Variants in TM4SF19 observed in about 807,000 individuals in gnomAD.
The protein encoded by TM4SF19 is transmembrane 4 L six family member 19.
In TM4SF19, 17 loss-of-function variants were observed where a neutral mutation model predicts 21.8. That is an observed-to-expected ratio of 0.78 (90% CI 0.53 to 1.17). TM4SF19 has a LOEUF of 1.17. Among genes scored for constraint, TM4SF19 ranks in the 50% most tolerant of loss-of-function variants. TM4SF19 has a pLI of 0.00. For missense variants in TM4SF19, 216 were observed against 252.1 expected (o/e 0.86, Z 0.97); for synonymous variants, 107 against 106.7 (o/e 1.00, Z -0.02).
intron 1 of TM4SF19, among the ~76,000 whole-genome samples, chr3:196,337,092 G>A (rs754732135): frequency 4.5e-4 from 49 of 107,942 alleles, no homozygotes; most frequent in Non-Finnish European, 1.7e-4. Context: ...ACACAGTCTC[G>A]CTCTTGTTGC....
At chr3:196,337,539 G>A (rs1005390303) in intron 1 of TM4SF19, among the ~76,000 whole-genome samples, 2 of 152,188 alleles carry the variant, frequency 1.3e-5, no homozygotes, top group African/African-American at 2.4e-5. Context: ...ACACTAAGAA[G>A]CAAAATGGTG....
intron 1 of TM4SF19, among the ~76,000 whole-genome samples, chr3:196,332,274 C>T (rs983573014): frequency 4.0e-5 from 6 of 150,774 alleles, no homozygotes; most frequent in Non-Finnish European, 5.9e-5. Context: ...AAATTAACTG[C>T]GTGGTGGTGT....
At chr3:196,324,074 G>A in intron 4 of TM4SF19, 77 bp from the exon 5 acceptor site, 1 of 1,557,010 alleles carries the variant, frequency 6.4e-7, no homozygotes, top group Non-Finnish European at 8.8e-7. Flanking sequence ...GTAGAAAACT[G>A]GGGTCTCCCC....
intron 1 of TM4SF19, among the ~76,000 whole-genome samples, chr3:196,328,342 T>C (rs1727388633): frequency 6.6e-6 from 1 of 151,956 alleles, no homozygotes; most frequent in South Asian, 2.1e-4. Flanking sequence ...ACAGATAATG[T>C]GATCACATTA....
At chr3:196,332,514 T>C (rs1442186941) in intron 1 of TM4SF19, among the ~76,000 whole-genome samples, 1 of 150,934 alleles carries the variant, frequency 6.6e-6, no homozygotes, top group Non-Finnish European at 1.5e-5. Flanking sequence ...AAAATATATA[T>C]ATATATAAAA....
intron 4 of TM4SF19, 82 bp downstream of exon 4, chr3:196,324,189 G>T: frequency 6.5e-7 from 1 of 1,531,788 alleles, no homozygotes; most frequent in Non-Finnish European, 9.0e-7. Flanking sequence ...ACCCAAAGGA[G>T]CTTGTAGTTC....
intron 1 of TM4SF19, among the ~76,000 whole-genome samples, chr3:196,337,670 C>T (rs1317418451): frequency 6.6e-6 from 1 of 152,196 alleles, no homozygotes; most frequent in East Asian, 1.9e-4. Flanking sequence ...CTCCCAAGTG[C>T]CTGTGCGGCA....
intron 1 of TM4SF19, among the ~76,000 whole-genome samples, chr3:196,334,597 C>G (rs574699989): frequency 1.3e-5 from 2 of 152,052 alleles, no homozygotes; most frequent in Non-Finnish European, 2.9e-5. Context: ...GGGACTACAG[C>G]TGCACACCAC....
At chr3:196,330,377 T>C (rs575590920) in intron 1 of TM4SF19, among the ~76,000 whole-genome samples, 41 of 152,318 alleles carry the variant, frequency 2.7e-4, no homozygotes, top group African/African-American at 8.9e-4. Context: ...CACTGAATTA[T>C]ACACTTTAAA....
At chr3:196,330,154 T>G (rs201663110) in intron 1 of TM4SF19, among the ~76,000 whole-genome samples, 1 of 60,258 alleles carries the variant, frequency 1.7e-5, no homozygotes, top group Non-Finnish European at 3.8e-5. Context: ...GGTTTTGGGG[T>G]TTTTTTAGAG....
Sources: allele counts gnomAD v4.1 joint callset (sites outside exome capture counted in the v4.1 genomes callset), GRCh38; gene constraint gnomAD v4.1.1; transcripts MANE v1.5; gene names NCBI Gene and HGNC (gene_info 2026-07-23, HGNC 2026-07-21).